CEMIP: variants seen among roughly 807,000 people sequenced by gnomAD.
The protein encoded by CEMIP is cell migration inducing hyaluronidase 1.
Under a neutral mutation model 156.9 loss-of-function variants are expected in CEMIP, and 105 were observed. The ratio of observed to expected loss-of-function variants is 0.67; its 90% CI spans 0.57 to 0.79. The LOEUF is 0.79. Among genes scored for constraint, CEMIP ranks in the 30% least tolerant of loss-of-function variants. The pLI is 0.00. For missense variants in CEMIP, 1,457 were observed against 1,769.4 expected, an observed-to-expected ratio of 0.82 and a Z score of 3.17; for synonymous variants, 676 against 668.4, an observed-to-expected ratio of 1.01 and a Z score of -0.17.
intron 1 of CEMIP, among the ~76,000 whole-genome samples, chr15:80,857,235 ACT>A (rs534377364): frequency 2.1e-4 from 32 of 152,174 alleles, no homozygotes; most frequent in Non-Finnish European, 4.4e-4. Context: ...GGAAGGCTGC[ACT>A]CTCTGAACTG....
At chr15:80,903,210 G>T (rs1192620147) in intron 12 of CEMIP, 1 of 152,262 alleles carries the variant, frequency 6.6e-6, no homozygotes, top group East Asian at 1.9e-4. Context: ...GTGGATGCTG[G>T]CAAGTTGAGA....
chr15:80,838,759 T>G (rs73501043), intron 1 of CEMIP, among the ~76,000 whole-genome samples: 2,400 of 152,248 alleles, frequency 0.016, 64 homozygotes, highest in African/African-American at 0.056. Context: ...TTCCATGTTC[T>G]CTCTTCAGAA....
At chr15:80,919,984 T>C in intron 14 of CEMIP, 110 bp from the exon 15 acceptor site, 1 of 1,004,542 alleles carries the variant, frequency 1.0e-6, no homozygotes, top group Non-Finnish European at 1.6e-6. Flanking sequence ...ATTTAGTGTT[T>C]GCTGAATGAA....
At chr15:80,824,792 C>A (rs1896993184) in intron 1 of CEMIP, among the ~76,000 whole-genome samples, 1 of 152,194 alleles carries the variant, frequency 6.6e-6, no homozygotes, top group Non-Finnish European at 1.5e-5. Flanking sequence ...CTTCCCACCT[C>A]TTTGAACTAG....
In CEMIP at chr15:80,942,343, T is replaced by A. The variant is rs1432992411; in HGVS notation, c.3699+6T>A. On this transcript the variant is annotated splice_donor_region_variant and intron_variant, in intron 27 of 29. Transcript: ENST00000394685. ...ACGACTTCGCTTACATTGAAGTAAG[T>A]GCCTCTGGCCCCTGGAGGATTCGGG... 2 of 1,610,598 alleles carry A rather than the reference T, an allele frequency of 1.2e-6. No individual in the cohort carries two copies. Among genetic ancestry groups the A allele is most frequent in the Non-Finnish European group, 1.7e-6 (2 of 1,176,732 alleles).
intron 1 of CEMIP, among the ~76,000 whole-genome samples, chr15:80,805,782 A>G (rs2141613299): frequency 6.6e-6 from 1 of 152,230 alleles, no homozygotes; most frequent in East Asian, 1.9e-4. Context: ...CAAATCTACC[A>G]ATGTTGGGCT....
rs774565577 is a variant in CEMIP at position 80,889,588 on chromosome 15, T to C, written c.1082T>C (p.Ile361Thr). 7.0e-5 allele frequency: 113 copies of C among 1,614,046 alleles called. No individual in the cohort carries two copies. Among genetic ancestry groups the C allele is most frequent in the Non-Finnish European group, 9.1e-5 (107 of 1,180,004 alleles). The part of the protein sequence containing the change: ...PGKICNRPID[I>T]QATTMDGVNL... ...AAAATATGCAATCGTCCCATTGATA[T>C]ACAGGTACCAAACTCACAGCAAAAA... Residue 361 changes from isoleucine to threonine, a missense_variant, in exon 10 of 30, where the codon ATA (isoleucine) becomes ACA (threonine). Ile to Thr is a moderately conservative substitution (Grantham distance 89, BLOSUM62 -1). This residue lies in a region of CEMIP where 280 missense variants were observed against 300.3 expected (regional missense o/e 0.93). Coordinates refer to ENST00000394685, the MANE Select transcript of CEMIP (RefSeq NM_001293298.2).
chr15:80,810,557 T>C lies in CEMIP; in HGVS notation c.-176+30943T>C, dbSNP rs548707341. On this transcript the variant is annotated intron_variant, in intron 1 of 29. Transcript: ENST00000394685. The stretch of plus-strand genomic sequence containing the variant: ...TAATTTTTTGTATTTTTAGTAGAGA[T>C]GGGCTTTCACCGTGGTCTTGATCTC... Among the ~76,000 whole-genome samples the C allele has an allele frequency of 2.9e-3, 438 of 152,250 alleles. 3 individuals carry two copies. The highest frequency in any genetic ancestry group is 0.02 in the Middle Eastern group (6 of 294).
rs542692338 is a variant in CEMIP, at chr15:80,882,853, A to G, written c.618-1322A>G. 2.6e-5 allele frequency among the ~76,000 whole-genome samples: 4 copies of G among 152,278 alleles called. No individual in the cohort carries two copies. The South Asian group carries it at 6.2e-4, about 24-fold the overall frequency. On this transcript the variant is annotated intron_variant, in intron 6 of 29. Coordinates refer to ENST00000394685, the MANE Select transcript of CEMIP (RefSeq NM_001293298.2). Reference sequence around the variant, plus strand: ...ACTTAGAGAAGCAGGAACTTAGGTCAGCTTTTGAAAGGTAGTAGGTGCTTG... The same window carrying G: ...ACTTAGAGAAGCAGGAACTTAGGTCGGCTTTTGAAAGGTAGTAGGTGCTTG...
chr15:80,934,988 T>G (rs1232610131), intron 23 of CEMIP, among the ~76,000 whole-genome samples: 1 of 151,964 alleles, frequency 6.6e-6, no homozygotes, highest in Non-Finnish European at 1.5e-5. Flanking sequence ...GTGGAAGGAG[T>G]GCCTGGCAGT....
At chr15:80,923,624 TGAA>T (rs1026340567) in intron 17 of CEMIP, among the ~76,000 whole-genome samples, 12 of 150,660 alleles carry the variant, frequency 8.0e-5, no homozygotes, top group African/African-American at 2.7e-4. Flanking sequence ...AGGGAAGGAG[TGAA>T]GAAGAACCTC....
intron 1 of CEMIP, among the ~76,000 whole-genome samples, chr15:80,830,555 C>T (rs1028054504): frequency 6.6e-6 from 1 of 152,134 alleles, no homozygotes; most frequent in African/African-American, 2.4e-5. Flanking sequence ...CCTCCTGCCT[C>T]GAGGGTACTT....
chr15:80,941,729 C>G, intron 25 of CEMIP, 120 bp from the exon 26 acceptor site: 1 of 864,516 alleles, frequency 1.2e-6, no homozygotes, highest in Non-Finnish European at 1.9e-6. Flanking sequence ...TGGTTCCATT[C>G]TATAAGGCCG....
At chr15:80,937,675 A>T (rs1472428493) in intron 24 of CEMIP, 119 bp from the exon 25 acceptor site, 5 of 899,424 alleles carry the variant, frequency 5.6e-6, no homozygotes, top group Non-Finnish European at 9.1e-6. Context: ...AAAATTTCCC[A>T]TACAAAAGTG....
chr15:80,879,644 T>C, intron 4 of CEMIP, 72 bp from the exon 5 acceptor site: 1 of 1,588,000 alleles, frequency 6.3e-7, no homozygotes, highest in Non-Finnish European at 8.6e-7. Context: ...TTAGGGAGTC[T>C]GCCCTTGGCT....
chr15:80,832,453 G>T (rs1373815293), intron 1 of CEMIP, among the ~76,000 whole-genome samples: 1 of 151,448 alleles, frequency 6.6e-6, no homozygotes, highest in African/African-American at 2.4e-5. Context: ...CAAAACTGTA[G>T]ATTTGCAAAT....
intron 12 of CEMIP, among the ~76,000 whole-genome samples, chr15:80,898,838 G>C (rs916826786): frequency 8.5e-5 from 13 of 152,190 alleles, no homozygotes; most frequent in African/African-American, 1.2e-4. Context: ...CCCACCCTTA[G>C]GCTGGGCAGG....
intron 1 of CEMIP, among the ~76,000 whole-genome samples, chr15:80,839,362 T>G (rs1897339140): frequency 6.8e-6 from 1 of 146,176 alleles, no homozygotes; most frequent in South Asian, 2.2e-4. Flanking sequence ...AGGCCAGACT[T>G]AAGAATGAAT....
chr15:80,823,825 C>T (rs1896964800), intron 1 of CEMIP, among the ~76,000 whole-genome samples: 1 of 152,202 alleles, frequency 6.6e-6, no homozygotes, highest in African/African-American at 2.4e-5. Context: ...GACGATGGAC[C>T]TTTCTTTCAC....
Sources: gnomAD v4.1 joint callset for allele counts (sites outside exome capture counted in the v4.1 genomes callset) on GRCh38, gnomAD v4.1.1 for gene constraint, gnomAD v4.1.1 regional missense constraint, MANE v1.5 for transcripts, NCBI Gene and HGNC (gene_info 2026-07-23, HGNC 2026-07-21) for gene names.